The following ZNF385D variants were observed in gnomAD, a reference collection of about 807,000 sequenced individuals.
ZNF385D encodes the protein zinc finger protein 385D.
A neutral mutation model predicts 35.8 loss-of-function variants in ZNF385D; 15 were observed. That is an observed-to-expected ratio of 0.42 (90% CI 0.28 to 0.64). ZNF385D has a LOEUF of 0.64. ZNF385D is among the 30% of genes least tolerant of loss of function. The pLI, the probability that ZNF385D is intolerant of heterozygous loss-of-function variation, is 0.23. For missense variants in ZNF385D, 474 were observed against 494.6 expected, an observed-to-expected ratio of 0.96 and a Z score of 0.39; for synonymous variants, 212 against 186.8, an observed-to-expected ratio of 1.13 and a Z score of -1.10.
At chr3:21,423,025 TAAGAA>T (rs991355070) in intron 7 of ZNF385D, among the ~76,000 whole-genome samples, 3 of 152,136 alleles carry the variant, frequency 2.0e-5, no homozygotes, top group African/African-American at 7.2e-5. Flanking sequence ...GGAATCCACA[TAAGAA>T]GAGAAGAAGT....
At chr3:21,715,852 A>T (rs1288086690) in intron 1 of ZNF385D, among the ~76,000 whole-genome samples, 1 of 152,170 alleles carries the variant, frequency 6.6e-6, no homozygotes, top group African/African-American at 2.4e-5. Flanking sequence ...GACTCCATAT[A>T]TCTAATTGCC....
intron 3 of ZNF385D, among the ~76,000 whole-genome samples, chr3:21,758,994 A>AAAAAAAAAC (rs2070477288): frequency 6.7e-6 from 1 of 148,350 alleles, no homozygotes; most frequent in Non-Finnish European, 1.5e-5. Flanking sequence ...AAAAAAAAAA[A>AAAAAAAAAC]AAAAAAAAAA....
Position 22,322,553 on chromosome 3 carries a change from C to T in ZNF385D, c.106+49897G>A, listed in dbSNP as rs189264471. Among the ~76,000 whole-genome samples, 216 of 152,228 alleles carry T rather than the reference C, an allele frequency of 1.4e-3. 2 individuals carry two copies. Among genetic ancestry groups the T allele is most frequent in the African/African-American group, 4.9e-3 (204 of 41,532 alleles). On this transcript the variant is annotated intron_variant, in intron 2 of 5. Coordinates refer to the ZNF385D transcript ENST00000494108. Reference sequence around the variant, plus strand: ...CCAGTCTATCCCAATCTTTTCTCACCGACCCAGCCCTTTTAACCTGCCCAA... The same window carrying T: ...CCAGTCTATCCCAATCTTTTCTCACTGACCCAGCCCTTTTAACCTGCCCAA...
At chr3:22,029,792 T>G (rs565280283) in intron 3 of ZNF385D, among the ~76,000 whole-genome samples, 3 of 152,310 alleles carry the variant, frequency 2.0e-5, no homozygotes. Context: ...TAGGCGTAAT[T>G]ATGACATTGT....
chr3:21,614,716 G>C (rs1006610396), intron 2 of ZNF385D, among the ~76,000 whole-genome samples: 3 of 152,186 alleles, frequency 2.0e-5, no homozygotes, highest in African/African-American at 7.2e-5. Flanking sequence ...AGCCTCCCAG[G>C]TAGCTGGGAC....
intron 3 of ZNF385D, among the ~76,000 whole-genome samples, chr3:21,896,739 G>C (rs1184140583): frequency 6.6e-6 from 1 of 152,064 alleles, no homozygotes; most frequent in African/African-American, 2.4e-5. Context: ...GGGTGGGAAG[G>C]GCTCATGATA....
At chr3:22,365,984 TTTTA>T (rs1301231573) in intron 2 of ZNF385D, among the ~76,000 whole-genome samples, 3 of 152,070 alleles carry the variant, frequency 2.0e-5, no homozygotes, top group Admixed American at 1.3e-4. Flanking sequence ...GATTCAGGAT[TTTTA>T]TTTGTGAAAA....
chr3:22,099,018 T>C lies in ZNF385D; in HGVS notation c.325+69799A>G, dbSNP rs150556084. On this transcript the variant is annotated intron_variant, in intron 3 of 5. Coordinates refer to the ZNF385D transcript ENST00000494108. The stretch of plus-strand genomic sequence containing the variant: ...ACAACTTCTTCATGGATATTTATCA[T>C]AGGGATTTCTGTAATGAGGAAAAAT... Among the ~76,000 whole-genome samples the C allele has an allele frequency of 3.4e-3, 518 of 152,212 alleles. 1 individual carries two copies. The highest frequency in any genetic ancestry group is 4.5e-3 in the Non-Finnish European group (304 of 67,984).
intron 3 of ZNF385D, among the ~76,000 whole-genome samples, chr3:22,091,844 A>C (rs1701348100): frequency 6.6e-6 from 1 of 152,206 alleles, no homozygotes; most frequent in South Asian, 2.1e-4. Context: ...TTTATTTTAT[A>C]TACAAGTGGT....
intron 3 of ZNF385D, among the ~76,000 whole-genome samples, chr3:22,061,215 C>T (rs779165): frequency 0.39 from 58,817 of 151,900 alleles, 11,474 homozygotes; most frequent in Middle Eastern, 0.45. Flanking sequence ...CTGAAAACAT[C>T]TCAGCAGTGA....
At chr3:21,924,478 A>G (rs1700628063) in intron 3 of ZNF385D, among the ~76,000 whole-genome samples, 1 of 152,230 alleles carries the variant, frequency 6.6e-6, no homozygotes, top group Non-Finnish European at 1.5e-5. Context: ...ACTTTTAGAC[A>G]GTAACTGCTC....
intron 1 of ZNF385D, among the ~76,000 whole-genome samples, chr3:21,686,711 G>A (rs1575461615): frequency 6.6e-6 from 1 of 152,290 alleles, no homozygotes; most frequent in Admixed American, 6.5e-5. Context: ...CATGTGGCTA[G>A]TGGCTATTGT....
intron 3 of ZNF385D, among the ~76,000 whole-genome samples, chr3:21,903,023 C>T (rs940697994): frequency 2.0e-5 from 3 of 152,076 alleles, no homozygotes; most frequent in African/African-American, 7.2e-5. Flanking sequence ...TCTAATAAAA[C>T]TGAGTTTCTG....
At chr3:21,896,036 T>A (rs1699117464) in intron 3 of ZNF385D, among the ~76,000 whole-genome samples, 1 of 152,170 alleles carries the variant, frequency 6.6e-6, no homozygotes, top group Non-Finnish European at 1.5e-5. Flanking sequence ...CACATTAAAG[T>A]AAAATTTTTG....
intron 3 of ZNF385D, among the ~76,000 whole-genome samples, chr3:22,135,151 C>G (rs1553614694): frequency 6.6e-6 from 1 of 152,002 alleles, no homozygotes; most frequent in African/African-American, 2.4e-5. Flanking sequence ...TATAAAGAAG[C>G]AAGAAAAGAA....
intron 3 of ZNF385D, among the ~76,000 whole-genome samples, chr3:21,885,208 T>C (rs1698479360): frequency 6.6e-6 from 1 of 152,076 alleles, no homozygotes; most frequent in African/African-American, 2.4e-5. Context: ...TCTTTCAATA[T>C]TCTAAAATTA....
At chr3:22,218,070 G>C (rs1698005367) in intron 2 of ZNF385D, among the ~76,000 whole-genome samples, 1 of 151,996 alleles carries the variant, frequency 6.6e-6, no homozygotes, top group South Asian at 2.1e-4. Flanking sequence ...AGAGTGTCTT[G>C]ACTTATCTTG....
chr3:22,149,469 A>T (rs575629089), intron 3 of ZNF385D, among the ~76,000 whole-genome samples: 1 of 152,328 alleles, frequency 6.6e-6, no homozygotes, highest in South Asian at 2.1e-4. Flanking sequence ...AGAATCGCCC[A>T]AAGCGTTCTT....
chr3:21,861,486 A>G (rs573567474), intron 3 of ZNF385D, among the ~76,000 whole-genome samples: 10 of 152,254 alleles, frequency 6.6e-5, no homozygotes, highest in African/African-American at 2.4e-4. Flanking sequence ...AAATTTAGAT[A>G]AATACAATTA....
Sources: gnomAD v4.1 joint callset for allele counts (sites outside exome capture counted in the v4.1 genomes callset) on GRCh38, gnomAD v4.1.1 for gene constraint, MANE v1.5 for transcripts, NCBI Gene and HGNC (gene_info 2026-07-23, HGNC 2026-07-21) for gene names.